Variants in PLXNB2 observed in about 807,000 individuals in gnomAD.
PLXNB2 encodes plexin-B2.
Under a neutral mutation model 202.6 loss-of-function variants are expected in PLXNB2, and 85 were observed. The ratio of observed to expected loss-of-function variants is 0.42; its 90% CI spans 0.35 to 0.50. PLXNB2 has a LOEUF of 0.50. PLXNB2 is among the 20% of genes least tolerant of loss of function. PLXNB2 has a pLI of 0.02. For missense variants in PLXNB2, 2,063 were observed against 2,586.2 expected, an observed-to-expected ratio of 0.80 and a Z score of 4.39; for synonymous variants, 1,239 against 1,137.6, an observed-to-expected ratio of 1.09 and a Z score of -1.79.
At position 50,288,011 on chromosome 22, in the gene PLXNB2, G is replaced by T; in HGVS notation, c.1407C>A (p.Cys469Ter). 1 of 1,564,942 alleles carries T rather than the reference G, an allele frequency of 6.4e-7. No homozygotes were observed. The highest frequency in any genetic ancestry group is 8.7e-7 in the Non-Finnish European group (1 of 1,155,364). ...DKVFRLPVQE[C>*]LSYPTCTQCR... ...ACTGGGTGCAGGTCGGGTAGCTCAG[G>T]CACTCCTGCACCGGCAGCCGGAACA... is the stretch of plus-strand genomic sequence containing the variant. Residue 469 changes from cysteine (C) to a stop codon, truncating the protein, a stop_gained, in exon 6 of 37, where the codon TGC (cysteine) becomes TGA (stop). Coordinates refer to ENST00000359337, the MANE Select transcript of PLXNB2 (RefSeq NM_012401.4). LOFTEE classifies it high-confidence loss of function. The surrounding 1 kb of genome is among the most constrained non-coding windows in gnomAD (Gnocchi z 5.0).
chr22:50,303,950 G>A (rs777146023), intron 1 of PLXNB2, among the ~76,000 whole-genome samples: 1 of 152,230 alleles, frequency 6.6e-6, no homozygotes, highest in Non-Finnish European at 1.5e-5. Flanking sequence ...CCTGCCCCCA[G>A]GCGCCCTGAT....
chr22:50,287,223 C>T lies in PLXNB2; in HGVS notation c.1650G>A (p.Glu550=). 1.9e-6 allele frequency: 3 copies of T among 1,550,430 alleles called. No individual in the cohort carries two copies. Among genetic ancestry groups the T allele is most frequent in the Non-Finnish European group, 2.6e-6 (3 of 1,146,916 alleles). The part of the protein sequence containing the change: ...TVSPLPALSE[E]DELLCLFGES... ...CCCCAAAAAGGCACAGCAACTCGTC[C>T]TCCTCGCTCAGGGCAGGGAGGGGGC... The change falls in exon 8 of 37, where the codon GAG becomes GAA. Residue 550 remains glutamate, a synonymous_variant. Transcript: ENST00000359337.
intron 33 of PLXNB2, 67 bp from the exon 34 acceptor site, chr22:50,276,973 TG>T: frequency 8.4e-7 from 1 of 1,196,940 alleles, no homozygotes. Context: ...AGAGTACCCC[TG>T]GGTAGCTTCC....
In PLXNB2 at chr22:50,280,623, C is replaced by T; in HGVS notation, c.4041G>A (p.Lys1347=). ...ENQREFSARA[K]VYFASLLTVA... ...CCGTCAGCAGGGACGCGAAGTAGAC[C>T]TTGGCGCGGGCCGAGAACTCCCGCT... The change falls in exon 25 of 37, where the codon AAG becomes AAA. Residue 1347 remains lysine (K), a synonymous_variant. Coordinates refer to ENST00000359337, the MANE Select transcript of PLXNB2 (RefSeq NM_012401.4). The T allele has an allele frequency of 1.2e-6, 2 of 1,612,736 alleles. No individual in the cohort carries two copies. The highest frequency in any genetic ancestry group is 1.7e-6 in the Non-Finnish European group (2 of 1,179,894).
chr22:50,277,824 T>C, intron 32 of PLXNB2, 29 bp downstream of exon 32: 3 of 1,607,504 alleles, frequency 1.9e-6, no homozygotes. Flanking sequence ...GAGCCGGGGC[T>C]GGGCCGCGGG....
At position 50,289,841 on chromosome 22, in the gene PLXNB2, G is replaced by A; in HGVS notation, c.744C>T (p.Arg248=). The change falls in exon 3 of 37, where the codon CGC becomes CGT. Residue 248 remains arginine, a synonymous_variant. Coordinates refer to ENST00000359337, the MANE Select transcript of PLXNB2 (RefSeq NM_012401.4). The surrounding 1 kb of genome is among the most constrained non-coding windows in gnomAD (Gnocchi z 8.0). The part of the protein sequence containing the change: ...HPARNRTLLA[R]MCREDPNYYS... The stretch of plus-strand genomic sequence containing the variant: ...AGTAGTTGGGGTCTTCTCTGCACAT[G>A]CGTGCCAGCAGCGTGCGGTTCCGGG... The A allele has an allele frequency of 1.2e-6, 2 of 1,613,338 alleles. No homozygotes were observed. The highest frequency in any genetic ancestry group is 1.7e-6 in the Non-Finnish European group (2 of 1,180,038).
chr22:50,306,336 A>C (rs1301519358), intron 1 of PLXNB2, among the ~76,000 whole-genome samples: 1 of 152,166 alleles, frequency 6.6e-6, no homozygotes, highest in Non-Finnish European at 1.5e-5. Flanking sequence ...ATTTCTATGC[A>C]ACATGCAAAA....
At chr22:50,279,184 C>T (rs1233739355) in intron 27 of PLXNB2, among the ~76,000 whole-genome samples, 173 bp from the exon 28 acceptor site, 2 of 152,256 alleles carry the variant, frequency 1.3e-5, no homozygotes, top group African/African-American at 4.8e-5. Flanking sequence ...ACACTCTGCC[C>T]TTCCCCTGCC....
At chr22:50,296,193 T>TACACACACACACACAC (rs58616888) in intron 1 of PLXNB2, among the ~76,000 whole-genome samples, 48 of 139,422 alleles carry the variant, frequency 3.4e-4, no homozygotes, top group African/African-American at 1.0e-3. Context: ...TCTCAAAAAA[T>TACACACACACACACAC]ACACACACAC....
At position 50,278,150 on chromosome 22, in the gene PLXNB2, G is replaced by A. The variant is rs754300840; in HGVS notation, c.4854C>T (p.Thr1618=). ...AGAGCAGCCGCGTCAGGTAGATCTC[G>A]GTGATGGCCTTCGTCCGCTCCTTCT... ...VKEKERTKAI[T]EIYLTRLLSV... The change falls in exon 31 of 37, where the codon ACC becomes ACT. Residue 1618 remains threonine, a synonymous_variant. Coordinates refer to ENST00000359337, the MANE Select transcript of PLXNB2 (RefSeq NM_012401.4). The A allele has an allele frequency of 1.2e-5, 19 of 1,603,140 alleles. No homozygotes were observed. The highest frequency in any genetic ancestry group is 8.3e-5 in the Admixed American group (5 of 59,980).
In PLXNB2 at chr22:50,275,595, G is replaced by T; in HGVS notation, c.*109C>A. The T allele has an allele frequency of 1.3e-6, 1 of 755,860 alleles. No homozygotes were observed. The highest frequency in any genetic ancestry group is 2.2e-6 in the Non-Finnish European group (1 of 451,868). The allele number at this position is 755,860 out of a possible 1,614,324, so 46.8% of individuals were successfully genotyped here. A position where few individuals can be genotyped will look rare whatever the true frequency, so the allele number is the denominator to read the frequency against. ...CTGCACCCACTCCGGCTTGGGGCGC[G>T]TTCCAGGGGAGGGTGGGGGCCTCAG... On this transcript the variant is annotated 3_prime_UTR_variant, in exon 37 of 37. Transcript: ENST00000359337.
chr22:50,283,272 C>A (rs567709029), intron 16 of PLXNB2, 65 bp downstream of exon 16: 6 of 1,603,954 alleles, frequency 3.7e-6, no homozygotes, highest in Non-Finnish European at 5.1e-6. Context: ...CGTGGGGAGG[C>A]GGCGGGCAGA....
rs866607708 is a variant in PLXNB2 at position 50,276,543 on chromosome 22, C to T, written c.5337+86G>A. The T allele has an allele frequency of 1.2e-4, 136 of 1,178,692 alleles. No homozygotes were observed. The African/African-American group carries it at 1.8e-3, about 16-fold the overall frequency. The allele number at this position is 1,178,692 out of a possible 1,614,324, so 73.0% of individuals were successfully genotyped here. A position where few individuals can be genotyped will look rare whatever the true frequency, so the allele number is the denominator to read the frequency against. On this transcript the variant is annotated intron_variant, in intron 35 of 36. Transcript: ENST00000359337. The stretch of plus-strand genomic sequence containing the variant: ...CTCTCTCCCCCTCAGCACCACATTA[C>T]CCCTGCCCTGCAGCTCAGGGCCAGG...
At chr22:50,280,714 G>GGGCCCC in intron 24 of PLXNB2, 30 bp downstream of exon 24, 22 of 1,528,696 alleles carry the variant, frequency 1.4e-5, no homozygotes, top group East Asian at 2.4e-5. Context: ...CCACCTGTGT[G>GGGCCCC]CCCTCCCGCC....
chr22:50,281,569 G>A lies in PLXNB2; in HGVS notation c.3519C>T (p.Phe1173=), dbSNP rs2065994792. ...KRDTTHNLPE[F]IVKFGSREWV... The stretch of plus-strand genomic sequence containing the variant: ...CCGCCAGTCCCCGCTCACGCACAAT[G>A]AACTCGGGCAGGTTGTGTGTGGTGT... The change falls in exon 21 of 37, where the codon TTC becomes TTT. Residue 1173 remains phenylalanine, a synonymous_variant. Transcript: ENST00000359337. The A allele has an allele frequency of 6.2e-7, 1 of 1,610,810 alleles. No individual in the cohort carries two copies. Among genetic ancestry groups the A allele is most frequent in the East Asian group, 2.2e-5 (1 of 44,800 alleles).
chr22:50,294,211 C>A (rs184165619), intron 2 of PLXNB2, among the ~76,000 whole-genome samples: 1 of 152,260 alleles, frequency 6.6e-6, no homozygotes, highest in African/African-American at 2.4e-5. Flanking sequence ...ACGGGGCTGG[C>A]GGGGATTTCC....
intron 27 of PLXNB2, among the ~76,000 whole-genome samples, chr22:50,279,365 G>A (rs1334514903): frequency 6.6e-6 from 1 of 152,218 alleles, no homozygotes; most frequent in Admixed American, 6.5e-5. Context: ...GGACACACCT[G>A]GTGTGCCAGG....
intron 15 of PLXNB2, 46 bp from the exon 16 acceptor site, chr22:50,283,491 C>A: frequency 6.3e-7 from 1 of 1,583,498 alleles, no homozygotes; most frequent in South Asian, 1.1e-5. Flanking sequence ...CCGACCCACC[C>A]CACACCCTGA....
Position 50,275,130 on chromosome 22 carries a change from C to T in PLXNB2, c.*574G>A, listed in dbSNP as rs1257891270. On this transcript the variant is annotated 3_prime_UTR_variant, in exon 37 of 37. Transcript: ENST00000359337. The stretch of plus-strand genomic sequence containing the variant: ...CCAGGACCCCAGGATGTCTGGGCCC[C>T]GACGTAGGACTTGACCTACGTCTCA... 3 of 265,064 alleles carry T rather than the reference C, an allele frequency of 1.1e-5. No homozygotes were observed. Among genetic ancestry groups the T allele is most frequent in the South Asian group, 1.1e-4 (3 of 28,546 alleles). The allele number at this position is 265,064 out of a possible 1,614,324, so 16.4% of individuals were successfully genotyped here. A position where few individuals can be genotyped will look rare whatever the true frequency, so the allele number is the denominator to read the frequency against.
Sources: gnomAD v4.1 joint callset for allele counts (sites outside exome capture counted in the v4.1 genomes callset) on GRCh38, gnomAD v4.1.1 for gene constraint, Gnocchi (gnomAD v3.1) non-coding constraint, MANE v1.5 for transcripts, NCBI Gene and HGNC (gene_info 2026-07-23, HGNC 2026-07-21) for gene names.